The following CSMD3 variants were observed in gnomAD, a reference collection of about 807,000 sequenced individuals.
CSMD3 encodes the protein CUB and Sushi multiple domains 3, also known as CUB and sushi domain-containing protein 3.
CSMD3 carries 177 observed loss-of-function variants against 435.2 expected under a neutral mutation model. The ratio of observed to expected loss-of-function variants is 0.41; its 90% confidence interval spans 0.36 to 0.46. The LOEUF is 0.46. CSMD3 is among the 20% of genes least tolerant of loss of function. CSMD3 has a pLI of 0.34. For missense variants in CSMD3, 4,265 were observed against 4,504.6 expected (o/e 0.95, Z 1.52); for synonymous variants, 1,656 against 1,520.5 (o/e 1.09, Z -2.07).
chr8:113,019,156 G>C lies in CSMD3; in HGVS notation c.941C>G (p.Pro314Arg). ...TIWLSGMNIPPPIISNKNWLR... is the reference protein window; with the variant it reads ...TIWLSGMNIPRPIISNKNWLR... The stretch of plus-strand genomic sequence containing the variant: ...CCAGTTTTTGTTGCTGATAATTGGT[G>C]GTGGTATATTCATTCCAGATAACCT... Residue 314 changes from proline to arginine, a missense_variant, in exon 6 of 71, where the codon CCA becomes CGA. Pro to Arg is a moderately radical substitution (Grantham distance 103). This residue lies in a region of CSMD3 where 731 missense variants were observed against 755.4 expected (regional missense o/e 0.97). Coordinates refer to ENST00000297405, the MANE Select transcript of CSMD3 (RefSeq NM_198123.2). 1 of 1,611,906 alleles carries C rather than the reference G, an allele frequency of 6.2e-7. No homozygotes were observed. Among genetic ancestry groups the C allele is most frequent in the Non-Finnish European group, 8.5e-7 (1 of 1,178,186 alleles).
In CSMD3 at chr8:112,337,702, G is replaced by T. The variant is rs368245391; in HGVS notation, c.6682C>A (p.Arg2228Ser). 1 of 1,613,592 alleles carries T rather than the reference G, an allele frequency of 6.2e-7. No individual in the cohort carries two copies. The highest frequency in any genetic ancestry group is 1.3e-5 in the African/African-American group (1 of 74,892). Reference protein sequence around the residue: ...AYQLQSCPDPRPFRNGFVIGN... With the variant: ...AYQLQSCPDPSPFRNGFVIGN... ...ATTACAAAACCATTTCGAAACGGGCGTGGATCAGGACAGCTTTGCAACTGA... is the reference window on the plus strand; with the variant it reads ...ATTACAAAACCATTTCGAAACGGGCTTGGATCAGGACAGCTTTGCAACTGA... Residue 2228 changes from arginine (R) to serine (S), a missense_variant, in exon 43 of 71, where the codon CGC becomes AGC. By Grantham distance (110) the Arg-to-Ser change is moderately radical. Around this residue, in one of 3 missense-constraint regions of CSMD3, gnomAD observed 3,255 missense variants for 3,380.2 expected, o/e 0.96. Coordinates refer to ENST00000297405, the MANE Select transcript of CSMD3 (RefSeq NM_198123.2).
At chr8:113,103,108 G>A (rs2131565114) in intron 4 of CSMD3, among the ~76,000 whole-genome samples, 1 of 152,182 alleles carries the variant, frequency 6.6e-6, no homozygotes, top group African/African-American at 2.4e-5. Context: ...AGATATGTCA[G>A]AAGAAATACC....
intron 6 of CSMD3, among the ~76,000 whole-genome samples, chr8:112,989,537 A>T (rs1442685086): frequency 6.6e-6 from 1 of 152,026 alleles, no homozygotes; most frequent in East Asian, 1.9e-4. Context: ...ACGTGAACAA[A>T]GGGATAAACA....
chr8:112,922,327 A>G (rs2082769428), intron 9 of CSMD3, among the ~76,000 whole-genome samples: 1 of 151,920 alleles, frequency 6.6e-6, no homozygotes, highest in South Asian at 2.1e-4. Flanking sequence ...AGAATGAGGT[A>G]TTTATCCCCC....
chr8:112,916,901 A>G (rs1286027031), intron 10 of CSMD3, among the ~76,000 whole-genome samples: 1 of 152,000 alleles, frequency 6.6e-6, no homozygotes, highest in South Asian at 2.1e-4. Context: ...AAGAGGAATA[A>G]TATATAAGAG....
At chr8:113,245,271 C>T (rs1375333585) in intron 3 of CSMD3, among the ~76,000 whole-genome samples, 12 of 151,920 alleles carry the variant, frequency 7.9e-5, no homozygotes. Flanking sequence ...ATGTAAGTAC[C>T]TATTAGTTAG....
intron 32 of CSMD3, among the ~76,000 whole-genome samples, chr8:112,435,863 CTTGA>C (rs1424595406): frequency 6.6e-6 from 1 of 151,960 alleles, no homozygotes; most frequent in African/African-American, 2.4e-5. Flanking sequence ...GAGATACAAT[CTTGA>C]TTATTTCTCA....
intron 9 of CSMD3, among the ~76,000 whole-genome samples, chr8:112,935,351 T>C (rs192587262): frequency 6.6e-6 from 1 of 152,272 alleles, no homozygotes; most frequent in Admixed American, 6.5e-5. Context: ...TTTGTTCTTT[T>C]GCTAAAAATT....
Position 113,090,970 on chromosome 8 carries a change from A to C in CSMD3, c.917+7786T>G, listed in dbSNP as rs551863437. 3.7e-4 allele frequency among the ~76,000 whole-genome samples: 57 copies of C among 152,222 alleles called. No homozygotes were observed. In the East Asian group the frequency reaches 7.9e-3, roughly 21 times the overall value. The stretch of plus-strand genomic sequence containing the variant: ...TTTCTTAAGAAAGAAATTAGAAACT[A>C]TTAGAAAAAAATACATAGAGAGAGT... On this transcript the variant is annotated intron_variant, in intron 5 of 70. Coordinates refer to ENST00000297405, the MANE Select transcript of CSMD3 (RefSeq NM_198123.2).
chr8:112,293,704 C>A (rs1819996566), intron 54 of CSMD3, among the ~76,000 whole-genome samples: 1 of 152,082 alleles, frequency 6.6e-6, no homozygotes, highest in African/African-American at 2.4e-5. Flanking sequence ...TCCCCAAACA[C>A]TATTTCTATG....
At chr8:113,310,459 A>G (rs1396327816) in intron 2 of CSMD3, 1 of 151,974 alleles carries the variant, frequency 6.6e-6, no homozygotes, top group Non-Finnish European at 1.5e-5. Context: ...TTTTTGTCAC[A>G]AAAAGGAAAT....
intron 4 of CSMD3, among the ~76,000 whole-genome samples, chr8:113,109,865 T>A (rs968395718): frequency 2.0e-5 from 3 of 152,178 alleles, no homozygotes; most frequent in African/African-American, 7.2e-5. Flanking sequence ...AGGGCATCCT[T>A]TGCAATCTAA....
At chr8:112,783,008 C>A (rs2078432584) in intron 13 of CSMD3, among the ~76,000 whole-genome samples, 1 of 151,928 alleles carries the variant, frequency 6.6e-6, no homozygotes, top group South Asian at 2.1e-4. Context: ...AAAGGTAAGA[C>A]ATTCACTGGT....
At chr8:113,307,143 T>C (rs1180891198) in intron 2 of CSMD3, among the ~76,000 whole-genome samples, 3 of 152,086 alleles carry the variant, frequency 2.0e-5, no homozygotes, top group Non-Finnish European at 2.9e-5. Flanking sequence ...AGAAGAGTAA[T>C]ATTACTGTAG....
chr8:112,404,345 T>C (rs1303282834), intron 35 of CSMD3, among the ~76,000 whole-genome samples: 1 of 151,920 alleles, frequency 6.6e-6, no homozygotes, highest in Non-Finnish European at 1.5e-5. Flanking sequence ...CTGACCAACA[T>C]GGTGAAACCC....
intron 1 of CSMD3, among the ~76,000 whole-genome samples, chr8:113,397,603 T>A (rs1386487758): frequency 6.6e-6 from 1 of 151,876 alleles, no homozygotes. Context: ...GAACACGAGG[T>A]CAGGAGATCA....
chr8:112,872,863 C>T (rs1410461413), intron 10 of CSMD3, among the ~76,000 whole-genome samples: 1 of 151,702 alleles, frequency 6.6e-6, no homozygotes, highest in African/African-American at 2.4e-5. Context: ...ATATAGAAAG[C>T]CTAGCATTCT....
At chr8:112,926,272 TTG>T (rs1459879951) in intron 9 of CSMD3, among the ~76,000 whole-genome samples, 1 of 150,928 alleles carries the variant, frequency 6.6e-6, no homozygotes, top group Non-Finnish European at 1.5e-5. Context: ...GTGTGTGTGT[TTG>T]TGTGTGTGTA....
At chr8:112,308,226 C>T (rs899418620) in intron 50 of CSMD3, among the ~76,000 whole-genome samples, 4 of 152,056 alleles carry the variant, frequency 2.6e-5, no homozygotes, top group African/African-American at 4.8e-5. Flanking sequence ...TTTATATTTT[C>T]ACTTAGAACT....
Sources: gnomAD v4.1 joint callset for allele counts (sites outside exome capture counted in the v4.1 genomes callset) on GRCh38, gnomAD v4.1.1 for gene constraint, gnomAD v4.1.1 regional missense constraint, MANE v1.5 for transcripts, NCBI Gene and HGNC (gene_info 2026-07-23, HGNC 2026-07-21) for gene names.